Variants in PNLIPRP1 observed in about 807,000 individuals in gnomAD.
PNLIPRP1 encodes inactive pancreatic lipase-related protein 1.
A neutral mutation model predicts 54.6 loss-of-function variants in PNLIPRP1; 57 were observed. That is an observed-to-expected ratio of 1.04 (90% CI 0.84 to 1.30). The LOEUF is 1.30. Among genes scored for constraint, PNLIPRP1 ranks in the 50% most tolerant of loss-of-function variants. The pLI is 0.00. For synonymous variants in PNLIPRP1, 232 were observed against 208.8 expected (o/e 1.11, Z -0.96); for missense variants, 567 against 568.5 (o/e 1.00, Z 0.03).
In PNLIPRP1 at chr10:116,597,908, G is replaced by A. The variant is rs2133233040; in HGVS notation, c.655G>A (p.Val219Met). Reference sequence around the variant, plus strand: ...TCCCTCTGATGCTGACTTTGTTGATGTGATTCACACGGATGCAGCTCCCCT... The same window carrying A: ...TCCCTCTGATGCTGACTTTGTTGATATGATTCACACGGATGCAGCTCCCCT... ...LDPSDADFVDVIHTDAAPLIP... is the reference protein window; with the variant it reads ...LDPSDADFVDMIHTDAAPLIP... Residue 219 changes from valine to methionine, a missense_variant, in exon 7 of 13, where the codon GTG (valine) becomes ATG (methionine). Transcript: ENST00000358834. The A allele has an allele frequency of 6.2e-7, 1 of 1,614,224 alleles. No individual in the cohort carries two copies. The highest frequency in any genetic ancestry group is 1.6e-4 in the Middle Eastern group (1 of 6,062).
chr10:116,593,954 CAAAAAAAAA>C (rs57786929), intron 4 of PNLIPRP1: 10 of 94,570 alleles, frequency 1.1e-4, no homozygotes, highest in East Asian at 3.4e-4. Flanking sequence ...GAGGCTGTCT[CAAAAAAAAA>C]AAAAAAAAAA....
chr10:116,591,247 C>A (rs2133224542), intron 2 of PNLIPRP1, 69 bp downstream of exon 2: 5 of 1,292,052 alleles, frequency 3.9e-6, no homozygotes, highest in Middle Eastern at 2.0e-4. Flanking sequence ...CCAGAGAAAG[C>A]TTTAACTGTG....
At chr10:116,601,266 G>T in intron 10 of PNLIPRP1, 65 bp downstream of exon 10, 1 of 1,441,400 alleles carries the variant, frequency 6.9e-7, no homozygotes. Flanking sequence ...CAAATGAGGG[G>T]CTTGCTTTCA....
chr10:116,599,950 C>T (rs1206647472), intron 8 of PNLIPRP1, 97 bp from the exon 9 acceptor site: 19 of 744,848 alleles, frequency 2.6e-5, no homozygotes, highest in African/African-American at 1.4e-4. Context: ...TCTGAAAATA[C>T]GGTCCTACTT....
At chr10:116,604,278 T>C (rs1589576496) in intron 11 of PNLIPRP1, 140 bp downstream of exon 11, 2 of 544,218 alleles carry the variant, frequency 3.7e-6, no homozygotes, top group Non-Finnish European at 6.6e-6. Context: ...AACATTTTAG[T>C]TGATGGACCA....
At chr10:116,592,348 G>C in intron 3 of PNLIPRP1, 68 bp from the exon 4 acceptor site, 1 of 1,514,790 alleles carries the variant, frequency 6.6e-7, no homozygotes, top group South Asian at 1.3e-5. Flanking sequence ...CGCAGGCGGA[G>C]ATGAGGAAGG....
intron 1 of PNLIPRP1, 61 bp from the exon 2 acceptor site, chr10:116,591,069 G>A (rs781820460): frequency 1.6e-5 from 22 of 1,340,198 alleles, no homozygotes; most frequent in East Asian, 1.4e-4. Flanking sequence ...AGTCCAGGGC[G>A]TCGGTGCTCA....
chr10:116,609,112 G>C lies in PNLIPRP1; in HGVS notation c.1400G>C (p.Cys467Ser). The change falls in exon 13 of 13, where the codon TGC becomes TCC. Residue 467 changes from cysteine (C) to serine (S), a missense_variant. Transcript: ENST00000358834. The stretch of plus-strand genomic sequence containing the variant: ...GACACGCTGCTCACCCTCACGCCCT[G>C]CTAAGCTCCCGGGGCGACGAGGCTG... ...REDTLLTLTPC is the reference protein window; with the variant it reads ...REDTLLTLTPS 2 of 1,609,572 alleles carry C rather than the reference G, an allele frequency of 1.2e-6. No individual in the cohort carries two copies. Among genetic ancestry groups the C allele is most frequent in the Non-Finnish European group, 1.7e-6 (2 of 1,177,590 alleles).
At position 116,609,140 on chromosome 10, in the gene PNLIPRP1, G is replaced by A; in HGVS notation, c.*24G>A. The A allele has an allele frequency of 6.4e-7, 1 of 1,569,564 alleles. No homozygotes were observed. On this transcript the variant is annotated 3_prime_UTR_variant, in exon 13 of 13. Transcript: ENST00000358834. Reference sequence around the variant, plus strand: ...AAGCTCCCGGGGCGACGAGGCTGCTGCGTTCACACTAATAAAATCCACTGG... The same window carrying A: ...AAGCTCCCGGGGCGACGAGGCTGCTACGTTCACACTAATAAAATCCACTGG...
At chr10:116,591,692 G>T in intron 2 of PNLIPRP1, 79 bp from the exon 3 acceptor site, 2 of 1,432,596 alleles carry the variant, frequency 1.4e-6, no homozygotes, top group South Asian at 2.5e-5. Flanking sequence ...ATAGAAGAGT[G>T]ACCAGGCCCG....
intron 12 of PNLIPRP1, among the ~76,000 whole-genome samples, chr10:116,606,278 G>A (rs147487980): frequency 6.6e-6 from 1 of 152,228 alleles, no homozygotes; most frequent in East Asian, 1.9e-4. Context: ...AGGGTGGGGT[G>A]GCAGAGTAGA....
chr10:116,599,389 G>C (rs981722731), intron 8 of PNLIPRP1, among the ~76,000 whole-genome samples: 3 of 152,128 alleles, frequency 2.0e-5, no homozygotes, highest in Non-Finnish European at 4.4e-5. Context: ...CATCAGTAAT[G>C]GCCCAGCAAG....
At chr10:116,592,374 G>T (rs782581818) in intron 3 of PNLIPRP1, 42 bp from the exon 4 acceptor site, 1 of 1,554,210 alleles carries the variant, frequency 6.4e-7, no homozygotes, top group African/African-American at 1.4e-5. Context: ...GGCCTGTGAG[G>T]CTGGGCTGCG....
chr10:116,602,980 G>A (rs1847873811), intron 10 of PNLIPRP1, among the ~76,000 whole-genome samples: 1 of 151,926 alleles, frequency 6.6e-6, no homozygotes, highest in Non-Finnish European at 1.5e-5. Flanking sequence ...ATATGTATTT[G>A]TGTATGTGCA....
At position 116,604,100 on chromosome 10, in the gene PNLIPRP1, T is replaced by G; in HGVS notation, c.1134T>G (p.Phe378Leu). The change falls in exon 11 of 13, where the codon TTT becomes TTG. Residue 378 changes from phenylalanine (F) to leucine (L), a missense_variant. Phe to Leu is a conservative substitution (Grantham distance 22, BLOSUM62 0). Coordinates refer to ENST00000358834, the MANE Select transcript of PNLIPRP1 (RefSeq NM_006229.4). ...TATGQIKVAL[F>L]GNKGNTHQYS... ...CTGGTCAGATCAAAGTTGCTTTGTT[T>G]GGAAATAAGGGAAACACTCACCAGT... 1 of 1,613,028 alleles carries G rather than the reference T, an allele frequency of 6.2e-7. No individual in the cohort carries two copies. Among genetic ancestry groups the G allele is most frequent in the Middle Eastern group, 1.7e-4 (1 of 6,060 alleles).
chr10:116,601,125 T>C lies in PNLIPRP1; in HGVS notation c.987T>C (p.Ala329=). The change falls in exon 10 of 13, where the codon GCT becomes GCC. Residue 329 remains alanine (A), a synonymous_variant. Coordinates refer to ENST00000358834, the MANE Select transcript of PNLIPRP1 (RefSeq NM_006229.4). The stretch of plus-strand genomic sequence containing the variant: ...GATGCCCACAGATGGGTCACTATGC[T>C]GATAAATTTGCTGGCAGGACAAGTG... The part of the protein sequence containing the change: ...DQGCPQMGHY[A]DKFAGRTSEE... 6.2e-7 allele frequency: 1 copy of C among 1,614,062 alleles called. No individual in the cohort carries two copies. The highest frequency in any genetic ancestry group is 1.3e-5 in the African/African-American group (1 of 75,048).
intron 8 of PNLIPRP1, among the ~76,000 whole-genome samples, 154 bp from the exon 9 acceptor site, chr10:116,599,893 A>G (rs1329540905): frequency 6.6e-6 from 1 of 152,186 alleles, no homozygotes; most frequent in Non-Finnish European, 1.5e-5. Flanking sequence ...CACCCTCTAT[A>G]TGTTAATTGT....
At chr10:116,599,546 T>G (rs1429009674) in intron 8 of PNLIPRP1, among the ~76,000 whole-genome samples, 1 of 152,160 alleles carries the variant, frequency 6.6e-6, no homozygotes, top group African/African-American at 2.4e-5. Context: ...TTGTTTTTAT[T>G]TGTATAACTG....
In PNLIPRP1 at chr10:116,600,053, G is replaced by C. The variant is rs782278062; in HGVS notation, c.821G>C (p.Arg274Pro). Residue 274 changes from arginine (R) to proline (P), a missense_variant, in exon 9 of 13, where the codon CGG becomes CCG. By Grantham distance (103) the Arg-to-Pro change is moderately radical. Transcript: ENST00000358834. Reference sequence around the variant, plus strand: ...TCCTTATTTGTTTTCCCAGGAACCCGGGACTTTGTGGCTTGCAATCACCTA... The same window carrying C: ...TCCTTATTTGTTTTCCCAGGAACCCCGGACTTTGTGGCTTGCAATCACCTA... ...VDLDGIWAGT[R>P]DFVACNHLRS... 1.2e-6 allele frequency: 2 copies of C among 1,612,624 alleles called. No homozygotes were observed. The highest frequency in any genetic ancestry group is 2.7e-5 in the African/African-American group (2 of 74,996).
Sources: gnomAD v4.1 joint callset for allele counts (sites outside exome capture counted in the v4.1 genomes callset) on GRCh38, gnomAD v4.1.1 for gene constraint, MANE v1.5 for transcripts, NCBI Gene and HGNC (gene_info 2026-07-23, HGNC 2026-07-21) for gene names.